The following FRYL variants were observed in gnomAD, a reference collection of about 807,000 sequenced individuals.
The protein encoded by FRYL is FRY like transcription coactivator.
A neutral mutation model predicts 351.2 loss-of-function variants in FRYL; 150 were observed. That is an observed-to-expected ratio of 0.43 (90% confidence interval 0.37 to 0.49). FRYL has a LOEUF of 0.49. Ranked by LOEUF, FRYL falls within the 20% of genes least tolerant of loss-of-function variation. The pLI, the probability that FRYL is intolerant of heterozygous loss-of-function variation, is 0.00. For missense variants in FRYL, 3,036 were observed against 3,619.3 expected (o/e 0.84, Z 4.13); for synonymous variants, 1,153 against 1,257.1 (o/e 0.92, Z 1.75).
intron 35 of FRYL, 115 bp from the exon 36 acceptor site, chr4:48,553,498 C>A: frequency 3.0e-6 from 2 of 664,660 alleles, no homozygotes; most frequent in Non-Finnish European, 5.2e-6. Context: ...TGAATAAACA[C>A]AATCTAAATC....
chr4:48,499,716 T>C (rs1457432666), intron 63 of FRYL, 36 bp from the exon 64 acceptor site: 8 of 1,598,936 alleles, frequency 5.0e-6, no homozygotes, highest in Non-Finnish European at 6.8e-6. Context: ...TTCTGAGACT[T>C]AGGCAATAGT....
chr4:48,764,005 C>A (rs1774686372), intron 1 of FRYL, among the ~76,000 whole-genome samples: 1 of 151,694 alleles, frequency 6.6e-6, no homozygotes, highest in African/African-American at 2.4e-5. Context: ...CCCGTCTCTA[C>A]TAAAAATATA....
rs775960991 is a variant in FRYL at position 48,557,692 on chromosome 4, T to C, written c.3886A>G (p.Thr1296Ala). The C allele has an allele frequency of 7.4e-6, 12 of 1,613,844 alleles. No individual in the cohort carries two copies. The highest frequency in any genetic ancestry group is 8.5e-6 in the Non-Finnish European group (10 of 1,179,894). Residue 1296 changes from threonine to alanine, a missense_variant, in exon 34 of 64, where the codon ACA becomes GCA. Thr to Ala is a moderately conservative substitution (Grantham distance 58). Transcript: ENST00000358350. ...ACCTGCCGCCCAGCAGGGTGAGCTG[T>C]CTGGATTCTCTGGCTTATCTCTGAA... ...IFSEISQRIQ[T>A]AHPAGRQVML... is the part of the protein sequence containing the mutation.
intron 55 of FRYL, 128 bp downstream of exon 55, chr4:48,520,920 T>G (rs551467720): frequency 5.1e-6 from 3 of 592,830 alleles, no homozygotes; most frequent in South Asian, 7.6e-5. Context: ...TCATTTAAAA[T>G]AACTCAACAG....
chr4:48,718,855 A>G (rs76858180), intron 1 of FRYL, among the ~76,000 whole-genome samples: 5 of 151,288 alleles, frequency 3.3e-5, no homozygotes, highest in Non-Finnish European at 7.4e-5. Context: ...CCAACACACA[A>G]AAAAAGTATT....
In FRYL at chr4:48,557,630, G is replaced by C. The variant is rs970886845; in HGVS notation, c.3948C>G (p.Ile1316Met). The C allele has an allele frequency of 1.9e-6, 3 of 1,614,002 alleles. No individual in the cohort carries two copies. Among genetic ancestry groups the C allele is most frequent in the Non-Finnish European group, 2.5e-6 (3 of 1,180,026 alleles). The change falls in exon 34 of 64, where the codon ATC (isoleucine) becomes ATG (methionine). Residue 1316 changes from isoleucine (I) to methionine (M), a missense_variant. By Grantham distance (10) the Ile-to-Met change is conservative. Coordinates refer to ENST00000358350, the MANE Select transcript of FRYL (RefSeq NM_015030.2). ...GGAGAGGTTTTAAGTCCACCAGCTC[G>C]ATGTTGTTCATCCATGGTAGCAGGT... ...LHYLLPWMNN[I>M]ELVDLKPLPT... is the part of the protein sequence containing the mutation.
intron 4 of FRYL, among the ~76,000 whole-genome samples, chr4:48,632,542 A>T (rs1753434947): frequency 6.6e-6 from 1 of 150,600 alleles, no homozygotes; most frequent in East Asian, 1.9e-4. Flanking sequence ...AGAACTTTAT[A>T]TTAATAATAT....
chr4:48,655,302 A>G (rs1758600539), intron 3 of FRYL, among the ~76,000 whole-genome samples: 1 of 152,162 alleles, frequency 6.6e-6, no homozygotes. Flanking sequence ...ACACAGAACC[A>G]TAATACCACA....
rs769703154 is a variant in FRYL at position 48,609,009 on chromosome 4, T to A, written c.550A>T (p.Ile184Leu). ...HIIADLYAEV[I>L]GVLAQSKFQA... ...TACTTTGATTGGGCAAGAACCCCTA[T>A]CACCTCTGCATATAAATCAGCAATA... Residue 184 changes from isoleucine (I) to leucine (L), a missense_variant, in exon 9 of 64, where the codon ATA becomes TTA. By Grantham distance (5) the Ile-to-Leu change is conservative. Transcript: ENST00000358350. 1.2e-6 allele frequency: 2 copies of A among 1,609,844 alleles called. No homozygotes were observed. The highest frequency in any genetic ancestry group is 8.5e-7 in the Non-Finnish European group (1 of 1,176,556).
chr4:48,732,454 C>G (rs943706078), intron 1 of FRYL, among the ~76,000 whole-genome samples: 5 of 152,084 alleles, frequency 3.3e-5, no homozygotes, highest in African/African-American at 1.2e-4. Context: ...ATAAATCATT[C>G]TACTATAAAG....
chr4:48,502,545 CAAA>C (rs57308308), intron 61 of FRYL, among the ~76,000 whole-genome samples: 4 of 111,170 alleles, frequency 3.6e-5, no homozygotes, highest in Non-Finnish European at 2.0e-5. Context: ...GACTCCATCT[CAAA>C]AAAAAAAAAA....
At chr4:48,739,043 G>C (rs978295947) in intron 1 of FRYL, among the ~76,000 whole-genome samples, 1 of 152,114 alleles carries the variant, frequency 6.6e-6, no homozygotes, top group Non-Finnish European at 1.5e-5. Flanking sequence ...ATCAAGACAA[G>C]GGTGAAAGAA....
intron 3 of FRYL, among the ~76,000 whole-genome samples, chr4:48,650,806 G>C (rs931815609): frequency 1.1e-4 from 17 of 152,174 alleles, no homozygotes; most frequent in Non-Finnish European, 2.5e-4. Context: ...TATGGAAGCT[G>C]TGGCAATATT....
At chr4:48,755,068 T>C (rs866694910) in intron 1 of FRYL, among the ~76,000 whole-genome samples, 18 of 152,284 alleles carry the variant, frequency 1.2e-4, no homozygotes, top group Middle Eastern at 3.4e-3. Context: ...ACCTCCTCCT[T>C]CTATTAGTCT....
At chr4:48,662,440 T>TG (rs1760934432) in intron 3 of FRYL, among the ~76,000 whole-genome samples, 1 of 152,032 alleles carries the variant, frequency 6.6e-6, no homozygotes, top group South Asian at 2.1e-4. Flanking sequence ...ACAATAATAT[T>TG]TTTTAAATAA....
chr4:48,571,873 G>A, intron 26 of FRYL: 1 of 985,102 alleles, frequency 1.0e-6, no homozygotes, highest in Non-Finnish European at 1.2e-6. Flanking sequence ...GCACATCACT[G>A]CATGTGTTTA....
rs540158159 is a variant in FRYL at position 48,516,817 on chromosome 4, C to G, written c.7690-1542G>C. Among the ~76,000 whole-genome samples, 19 of 152,232 alleles carry G rather than the reference C, an allele frequency of 1.2e-4. No individual in the cohort carries two copies. The South Asian group carries it at 3.9e-3, about 32-fold the overall frequency. ...ATGGTAAATGTACGGTAAATACTAT[C>G]AGCAACATACAAATGGGTGCTGGTA... On this transcript the variant is annotated intron_variant, in intron 55 of 63. Transcript: ENST00000358350.
Position 48,544,801 on chromosome 4 carries a change from A to G in FRYL, c.5383T>C (p.Phe1795Leu). Residue 1795 changes from phenylalanine (F) to leucine (L), a missense_variant, in exon 43 of 64, where the codon TTT (phenylalanine) becomes CTT (leucine). By Grantham distance (22) the Phe-to-Leu change is conservative. Transcript: ENST00000358350. ...TTFLKHVVSV[F>L]KQSSSEGIHL... ...AAGATACCTGAGCTTGACTGCTTAA[A>G]AACAGAAACCACATGTTTCAAAAAT... The G allele has an allele frequency of 6.3e-7, 1 of 1,598,836 alleles. No homozygotes were observed. Among genetic ancestry groups the G allele is most frequent in the Non-Finnish European group, 8.5e-7 (1 of 1,175,034 alleles).
At chr4:48,676,985 A>G (rs1311089128) in intron 3 of FRYL, among the ~76,000 whole-genome samples, 1 of 152,244 alleles carries the variant, frequency 6.6e-6, no homozygotes, top group Non-Finnish European at 1.5e-5. Context: ...TAAGCCCACA[A>G]CTTAGCCTGT....
Sources: gnomAD v4.1 joint callset for allele counts (sites outside exome capture counted in the v4.1 genomes callset) on GRCh38, gnomAD v4.1.1 for gene constraint, MANE v1.5 for transcripts, NCBI Gene and HGNC (gene_info 2026-07-23, HGNC 2026-07-21) for gene names.